GRIN2A: variants seen among roughly 807,000 people sequenced by gnomAD.
The protein encoded by GRIN2A is glutamate ionotropic receptor NMDA type subunit 2A.
A neutral mutation model predicts 113.4 loss-of-function variants in GRIN2A; 22 were observed. The observed-to-expected ratio is 0.19, with a 90% CI of 0.14 to 0.28. GRIN2A has a LOEUF of 0.28. Ranked by LOEUF, GRIN2A falls within the 10% of genes least tolerant of loss-of-function variation. The pLI, the probability that GRIN2A is intolerant of heterozygous loss-of-function variation, is 1.00. For synonymous variants in GRIN2A, 827 were observed against 738.4 expected (o/e 1.12, Z -1.94); for missense variants, 1,502 against 1,887.0 (o/e 0.80, Z 3.78).
At chr16:9,870,468 T>C (rs1480645660) in intron 4 of GRIN2A, among the ~76,000 whole-genome samples, 2 of 152,276 alleles carry the variant, frequency 1.3e-5, no homozygotes, top group East Asian at 3.9e-4. Context: ...TGGATAATAA[T>C]ACAAAAGTCC....
intron 2 of GRIN2A, among the ~76,000 whole-genome samples, chr16:10,126,444 G>A (rs1486949846): frequency 2.0e-5 from 3 of 152,132 alleles, no homozygotes; most frequent in Non-Finnish European, 4.4e-5. Flanking sequence ...TAGAAATAGA[G>A]GCAAGAGCCA....
chr16:9,792,528 A>G (rs1184047706), intron 11 of GRIN2A, among the ~76,000 whole-genome samples: 2 of 152,218 alleles, frequency 1.3e-5, no homozygotes, highest in Admixed American at 6.5e-5. Flanking sequence ...CTAGCCTAAT[A>G]TAATATCAAT....
chr16:10,169,405 A>G (rs1400577342), intron 2 of GRIN2A, among the ~76,000 whole-genome samples: 1 of 152,178 alleles, frequency 6.6e-6, no homozygotes, highest in African/African-American at 2.4e-5. Flanking sequence ...CTCAGAGAGG[A>G]ATCCTGGATC....
chr16:10,073,936 G>A (rs2047815772), intron 2 of GRIN2A, among the ~76,000 whole-genome samples: 4 of 136,630 alleles, frequency 2.9e-5, no homozygotes, highest in Admixed American at 1.5e-4. Context: ...AAAAAAAAAC[G>A]AAGTGAAAAC....
intron 3 of GRIN2A, among the ~76,000 whole-genome samples, chr16:9,896,880 T>C (rs942001130): frequency 2.0e-5 from 3 of 152,204 alleles, no homozygotes; most frequent in Non-Finnish European, 4.4e-5. Context: ...TTACACCACA[T>C]TGATCAGTTC....
intron 3 of GRIN2A, among the ~76,000 whole-genome samples, chr16:9,897,272 A>G (rs1459137448): frequency 2.0e-5 from 3 of 152,036 alleles, no homozygotes; most frequent in African/African-American, 7.2e-5. Context: ...TCTGGTATTT[A>G]CAGTATTAAG....
At chr16:9,929,962 C>G (rs1312244831) in intron 3 of GRIN2A, among the ~76,000 whole-genome samples, 1 of 152,170 alleles carries the variant, frequency 6.6e-6, no homozygotes, top group Non-Finnish European at 1.5e-5. Context: ...CAGGTTTCTA[C>G]CATTTGTCGA....
chr16:9,906,384 T>A (rs1353900684), intron 3 of GRIN2A, among the ~76,000 whole-genome samples: 1 of 152,172 alleles, frequency 6.6e-6, no homozygotes, highest in Non-Finnish European at 1.5e-5. Context: ...TTCCTACACC[T>A]CCCTCCACTG....
intron 4 of GRIN2A, among the ~76,000 whole-genome samples, chr16:9,871,211 C>A (rs904334980): frequency 6.6e-6 from 1 of 152,164 alleles, no homozygotes; most frequent in Admixed American, 6.5e-5. Context: ...ACCTGTCAAC[C>A]ACCAAGCCTC....
At chr16:10,123,749 G>A (rs1281901135) in intron 2 of GRIN2A, among the ~76,000 whole-genome samples, 1 of 152,132 alleles carries the variant, frequency 6.6e-6, no homozygotes, top group Non-Finnish European at 1.5e-5. Context: ...TAGCTGGTTG[G>A]TAGGTACCTG....
intron 2 of GRIN2A, among the ~76,000 whole-genome samples, chr16:10,156,910 C>T (rs1025318647): frequency 1.3e-5 from 2 of 152,120 alleles, no homozygotes; most frequent in Non-Finnish European, 2.9e-5. Context: ...GAACTATGGG[C>T]ACGTGAAAGA....
chr16:9,853,369 G>A (rs1019795293), intron 4 of GRIN2A, among the ~76,000 whole-genome samples: 1 of 152,156 alleles, frequency 6.6e-6, no homozygotes, highest in Admixed American at 6.5e-5. Flanking sequence ...CATGAAGGTG[G>A]AGCCCTCATG....
rs116755638 is a variant in GRIN2A at position 9,974,246 on chromosome 16, G to A, written c.415-35695C>T. ...CGAAACTAAAGGCAGTTAGCCTGGT[G>A]CCTAGGAACCAGACCCAAAACCAAG... On this transcript the variant is annotated intron_variant, in intron 2 of 12. Coordinates refer to ENST00000330684, the MANE Select transcript of GRIN2A (RefSeq NM_001134407.3). Among the ~76,000 whole-genome samples, 1,267 of 152,272 alleles carry A rather than the reference G, an allele frequency of 8.3e-3. 20 individuals are homozygous for A. The highest frequency in any genetic ancestry group is 0.029 in the African/African-American group (1,223 of 41,550).
At chr16:10,112,392 T>A in intron 2 of GRIN2A, 1 of 691,270 alleles carries the variant, frequency 1.4e-6, no homozygotes, top group East Asian at 2.5e-5. Flanking sequence ...AGTGATGGCC[T>A]GCGGTCAGCC....
intron 3 of GRIN2A, among the ~76,000 whole-genome samples, chr16:9,892,535 G>C (rs1009756232): frequency 6.6e-6 from 1 of 152,002 alleles, no homozygotes; most frequent in African/African-American, 2.4e-5. Context: ...GGGAGAAAGA[G>C]GCATCAACGA....
In GRIN2A at chr16:9,754,559, A is replaced by C. The variant is rs955267525; in HGVS notation, c.*8590T>G. 1 of 211,934 alleles carries C rather than the reference A, an allele frequency of 4.7e-6. No homozygotes were observed. Among genetic ancestry groups the C allele is most frequent in the African/African-American group, 2.3e-5 (1 of 44,204 alleles). 13.1% of individuals were successfully genotyped at this position (211,934 alleles called of 1,614,324 possible). On this transcript the variant is annotated 3_prime_UTR_variant, in exon 13 of 13. Transcript: ENST00000330684. The stretch of plus-strand genomic sequence containing the variant: ...GGATTTGGCTCAAATTAGAGGCCTG[A>C]ATCTTTTGTTTTTAAACTGAAACAT...
intron 10 of GRIN2A, among the ~76,000 whole-genome samples, chr16:9,813,172 A>G (rs528407927): frequency 6.6e-6 from 1 of 152,368 alleles, no homozygotes; most frequent in South Asian, 2.1e-4. Flanking sequence ...CAAAGCAGTA[A>G]AAGCTAAATT....
chr16:9,840,565 C>A, intron 7 of GRIN2A, 82 bp downstream of exon 7: 1 of 1,303,952 alleles, frequency 7.7e-7, no homozygotes, highest in Non-Finnish European at 1.1e-6. Context: ...AAACAAGTTC[C>A]TTTCTGGTCC....
intron 10 of GRIN2A, among the ~76,000 whole-genome samples, chr16:9,816,119 G>A (rs1464922614): frequency 1.3e-5 from 2 of 152,168 alleles, no homozygotes; most frequent in Non-Finnish European, 2.9e-5. Context: ...AGGGGGTTGA[G>A]GAGTTTTTGT....
Sources: allele counts gnomAD v4.1 joint callset (sites outside exome capture counted in the v4.1 genomes callset), GRCh38; gene constraint gnomAD v4.1.1; transcripts MANE v1.5; gene names NCBI Gene and HGNC (gene_info 2026-07-23, HGNC 2026-07-21).